The following LAMC3 variants were observed in gnomAD, a reference collection of about 807,000 sequenced individuals.
LAMC3 encodes laminin subunit gamma 3.
In LAMC3, 128 loss-of-function variants were observed where a neutral mutation model predicts 173.8. The observed-to-expected ratio is 0.74, with a 90% CI of 0.64 to 0.85. The LOEUF is 0.85. LAMC3 is among the 40% of genes least tolerant of loss of function. LAMC3 has a pLI of 0.00. For missense variants in LAMC3, 2,022 were observed against 2,156.0 expected (o/e 0.94, Z 1.23); for synonymous variants, 897 against 909.1 (o/e 0.99, Z 0.24).
At chr9:131,053,549 T>C (rs1834339787) in intron 11 of LAMC3, among the ~76,000 whole-genome samples, 1 of 152,106 alleles carries the variant, frequency 6.6e-6, no homozygotes, top group Admixed American at 6.5e-5. Flanking sequence ...TAAAAATCAA[T>C]ATAGGTCGGG....
rs752930 is a variant in LAMC3 at position 131,093,120 on chromosome 9, G to A, written c.*1333G>A. ...CAGCCAGGGCCCTGGCTGTGGGTGT[G>A]CATATGACACACCTAGTAGGTGGCC... is the stretch of plus-strand genomic sequence containing the variant. On this transcript the variant is annotated 3_prime_UTR_variant, in exon 28 of 28. Coordinates refer to ENST00000361069, the MANE Select transcript of LAMC3 (RefSeq NM_006059.4). 0.22 allele frequency: 32,924 copies of A among 152,230 alleles called. 4,113 individuals are homozygous for A. Among genetic ancestry groups the A allele is most frequent in the Admixed American group, 0.28 (4,266 of 15,282 alleles). The allele number at this position is 152,230 out of a possible 1,614,324, so 9.4% of individuals were successfully genotyped here.
At chr9:131,065,670 A>G (rs1829919471) in intron 13 of LAMC3, among the ~76,000 whole-genome samples, 1 of 152,216 alleles carries the variant, frequency 6.6e-6, no homozygotes, top group Admixed American at 6.5e-5. Flanking sequence ...GTGGACCTCA[A>G]TGCTGTAGGC....
chr9:131,033,173 G>A (rs188812538), intron 3 of LAMC3, among the ~76,000 whole-genome samples: 2 of 152,238 alleles, frequency 1.3e-5, no homozygotes, highest in Non-Finnish European at 2.9e-5. Context: ...AAGTCCCAAG[G>A]CCTGTCTCGC....
intron 1 of LAMC3, among the ~76,000 whole-genome samples, chr9:131,013,341 T>C (rs1833458483): frequency 6.6e-6 from 1 of 152,050 alleles, no homozygotes; most frequent in African/African-American, 2.4e-5. Context: ...GGGAGTCTCC[T>C]CCCGGCTTGC....
At chr9:131,046,516 G>GTTT (rs1443313320) in intron 8 of LAMC3, among the ~76,000 whole-genome samples, 18 of 38,748 alleles carry the variant, frequency 4.6e-4, no homozygotes, top group African/African-American at 1.0e-3. Context: ...GCTAATTTTT[G>GTTT]TATTTTTTTT....
chr9:131,060,371 C>T lies in LAMC3; in HGVS notation c.2159-664C>T, dbSNP rs145518541. Among the ~76,000 whole-genome samples, 186 of 152,292 alleles carry T rather than the reference C, an allele frequency of 1.2e-3. 1 individual carries two copies. Among genetic ancestry groups the T allele is most frequent in the Non-Finnish European group, 1.9e-3 (132 of 68,022 alleles). ...AAATAATAACAGTGCTGGCCGGGCACGGTGGCTCACACCTGTAATCCCAGA... is the reference window on the plus strand; with the variant it reads ...AAATAATAACAGTGCTGGCCGGGCATGGTGGCTCACACCTGTAATCCCAGA... On this transcript the variant is annotated intron_variant, in intron 12 of 27. Transcript: ENST00000361069.
chr9:131,053,004 T>A, intron 11 of LAMC3, 39 bp downstream of exon 11: 1 of 1,464,344 alleles, frequency 6.8e-7, no homozygotes, highest in Non-Finnish European at 9.5e-7. Flanking sequence ...CCCGAGTGCT[T>A]GCCAGGTCTC....
intron 7 of LAMC3, 136 bp downstream of exon 7, chr9:131,041,871 C>G: frequency 1.3e-6 from 1 of 742,710 alleles, no homozygotes; most frequent in African/African-American, 1.7e-5. Context: ...CACCCTGTGC[C>G]CTTCCTGGGG....
At chr9:131,034,031 G>C (rs923628510) in intron 3 of LAMC3, among the ~76,000 whole-genome samples, 1 of 152,140 alleles carries the variant, frequency 6.6e-6, no homozygotes, top group Admixed American at 6.5e-5. Context: ...GGAGCTCCCC[G>C]GGGAAGGCGG....
At chr9:131,076,566 G>C (rs1830131199) in intron 21 of LAMC3, among the ~76,000 whole-genome samples, 1 of 152,218 alleles carries the variant, frequency 6.6e-6, no homozygotes, top group African/African-American at 2.4e-5. Context: ...CAGAGCGATG[G>C]CTCTCTAAGG....
At chr9:131,015,813 A>G (rs1412702255) in intron 1 of LAMC3, among the ~76,000 whole-genome samples, 2 of 151,956 alleles carry the variant, frequency 1.3e-5, no homozygotes, top group Non-Finnish European at 2.9e-5. Context: ...CTGCCACCAC[A>G]CCCAGCTAAT....
intron 7 of LAMC3, 21 bp from the exon 8 acceptor site, chr9:131,045,503 C>T (rs1269492989): frequency 6.2e-7 from 1 of 1,612,854 alleles, no homozygotes; most frequent in Non-Finnish European, 8.5e-7. Flanking sequence ...CCCTCGTGGG[C>T]ATGTCCTGCC....
At chr9:131,037,511 G>A (rs1446042176) in intron 4 of LAMC3, among the ~76,000 whole-genome samples, 1 of 152,106 alleles carries the variant, frequency 6.6e-6, no homozygotes. Context: ...TGCAGCTAAG[G>A]CTCTTTTCTT....
chr9:131,080,673 G>A (rs1225166995), intron 23 of LAMC3, among the ~76,000 whole-genome samples: 1 of 152,112 alleles, frequency 6.6e-6, no homozygotes, highest in Non-Finnish European at 1.5e-5. Flanking sequence ...CGCTTACCCG[G>A]GGAGTTTGGC....
chr9:131,039,239 G>T lies in LAMC3; in HGVS notation c.1274G>T (p.Gly425Val), dbSNP rs201638913. 6.2e-7 allele frequency: 1 copy of T among 1,604,696 alleles called. No individual in the cohort carries two copies. The highest frequency in any genetic ancestry group is 1.7e-5 in the Admixed American group (1 of 60,022). The change falls in exon 6 of 28, where the codon GGA (glycine) becomes GTA (valine). Residue 425 changes from glycine to valine, a missense_variant. By Grantham distance (109) the Gly-to-Val change is moderately radical. Transcript: ENST00000361069. ...CLPGFHSLSE[G>V]GCRPCTCNPA... ...CCCGGGTTCCACTCGCTCAGTGAGGGAGGCTGCAGGTGAGGGCGAGGGGCG... is the reference window on the plus strand; with the variant it reads ...CCCGGGTTCCACTCGCTCAGTGAGGTAGGCTGCAGGTGAGGGCGAGGGGCG...
Position 131,079,120 on chromosome 9 carries a change from C to A in LAMC3, c.3778-29C>A, listed in dbSNP as rs773634702. On this transcript the variant is annotated intron_variant, in intron 22 of 27. Coordinates refer to ENST00000361069, the MANE Select transcript of LAMC3 (RefSeq NM_006059.4). ...CCGCTGCTTGCCCTTCCTTTCCAGGCCCTGCCTGAGCGCATTGTCTCCCTG... is the reference window on the plus strand; with the variant it reads ...CCGCTGCTTGCCCTTCCTTTCCAGGACCTGCCTGAGCGCATTGTCTCCCTG... 5 of 1,609,256 alleles carry A rather than the reference C, an allele frequency of 3.1e-6. No individual in the cohort carries two copies. In the South Asian group the frequency reaches 5.6e-5, roughly 18 times the overall value.
intron 18 of LAMC3, 63 bp downstream of exon 18, chr9:131,071,688 T>C (rs1830039339): frequency 2.0e-6 from 3 of 1,476,224 alleles, no homozygotes; most frequent in Non-Finnish European, 2.7e-6. Context: ...GCCTGCAGTC[T>C]GGTGTCGTTG....
At position 131,082,076 on chromosome 9, in the gene LAMC3, A is replaced by G. The variant is rs1830252598; in HGVS notation, c.3945A>G (p.Arg1315=). The G allele has an allele frequency of 6.2e-7, 1 of 1,613,666 alleles. No individual in the cohort carries two copies. Among genetic ancestry groups the G allele is most frequent in the Non-Finnish European group, 8.5e-7 (1 of 1,179,884 alleles). ...EPLTKLHQEA[R]AALTQASSSV... is the part of the protein sequence containing the mutation. ...CTCTCCAGCTGCACCAGGAGGCCAG[A>G]GCCGCCCTGACCCAGGCTTCCTCAT... Residue 1315 remains arginine, a synonymous_variant, in exon 24 of 28, where the codon AGA becomes AGG. Coordinates refer to ENST00000361069, the MANE Select transcript of LAMC3 (RefSeq NM_006059.4).
intron 2 of LAMC3, among the ~76,000 whole-genome samples, chr9:131,027,476 G>T (rs1042663067): frequency 6.6e-6 from 1 of 152,174 alleles, no homozygotes; most frequent in South Asian, 2.1e-4. Context: ...CTGTAAGTCC[G>T]TGCCAACCAG....
Sources: gnomAD v4.1 joint callset for allele counts (sites outside exome capture counted in the v4.1 genomes callset) on GRCh38, gnomAD v4.1.1 for gene constraint, MANE v1.5 for transcripts, NCBI Gene and HGNC (gene_info 2026-07-23, HGNC 2026-07-21) for gene names.